The following RNF220 variants were observed in gnomAD, a reference collection of about 807,000 sequenced individuals.
RNF220 encodes the protein ring finger protein 220.
Under a neutral mutation model 67.1 loss-of-function variants are expected in RNF220, and 7 were observed. The ratio of observed to expected loss-of-function variants is 0.10; its 90% CI spans 0.06 to 0.20. RNF220 has a LOEUF of 0.20. RNF220 is among the 10% of genes least tolerant of loss of function. The pLI, the probability that RNF220 is intolerant of heterozygous loss-of-function variation, is 1.00. For synonymous variants in RNF220, 270 were observed against 283.2 expected (o/e 0.95, Z 0.47); for missense variants, 565 against 740.3 (o/e 0.76, Z 2.75).
chr1:44,617,342 C>CG (rs1643600137), intron 3 of RNF220, among the ~76,000 whole-genome samples: 1 of 152,220 alleles, frequency 6.6e-6, no homozygotes, highest in African/African-American at 2.4e-5. Flanking sequence ...CCCCTCCCCT[C>CG]GCTTCTCTCG....
chr1:44,482,285 C>T (rs781103758), intron 2 of RNF220, among the ~76,000 whole-genome samples: 16 of 152,108 alleles, frequency 1.1e-4, no homozygotes, highest in African/African-American at 3.9e-4. Context: ...TAAGAATACA[C>T]GGCCTGCAGA....
Position 44,632,366 on chromosome 1 carries a change from C to T in RNF220, c.930C>T (p.Asn310=). 1 of 1,613,946 alleles carries T rather than the reference C, an allele frequency of 6.2e-7. No homozygotes were observed. The highest frequency in any genetic ancestry group is 8.5e-7 in the Non-Finnish European group (1 of 1,179,998). The part of the protein sequence containing the change: ...RYQTFLRVRA[N]RQTRLNARIG... ...AGACCTTTCTGCGAGTACGAGCCAA[C>T]CGGCAGACCCGACTGAATGGTGAGT... Residue 310 remains asparagine (N), a synonymous_variant, in exon 6 of 15, where the codon AAC becomes AAT. Coordinates refer to ENST00000361799, the MANE Select transcript of RNF220 (RefSeq NM_018150.4).
intron 3 of RNF220, among the ~76,000 whole-genome samples, chr1:44,616,873 C>G (rs1266357299): frequency 6.6e-6 from 1 of 152,146 alleles, no homozygotes; most frequent in Non-Finnish European, 1.5e-5. Flanking sequence ...CAGTGCAGTC[C>G]CAGGTGCTCC....
Position 44,635,904 on chromosome 1 carries a change from G to A in RNF220, c.994-126G>A, listed in dbSNP as rs556916819. Reference sequence around the variant, plus strand: ...ACCTCTAAATTGGTTTGCTTCAAAGGAGCCCTAGAGCTGAGGGCCCACTTG... The same window carrying A: ...ACCTCTAAATTGGTTTGCTTCAAAGAAGCCCTAGAGCTGAGGGCCCACTTG... On this transcript the variant is annotated intron_variant, in intron 7 of 14. Coordinates refer to ENST00000361799, the MANE Select transcript of RNF220 (RefSeq NM_018150.4). 4 of 1,494,498 alleles carry A rather than the reference G, an allele frequency of 2.7e-6. No homozygotes were observed. In the African/African-American group the frequency reaches 5.6e-5, roughly 21 times the overall value. The allele number at this position is 1,494,498 out of a possible 1,614,324, so 92.6% of individuals were successfully genotyped here.
chr1:44,623,372 G>A (rs992630440), intron 4 of RNF220, among the ~76,000 whole-genome samples: 2 of 152,194 alleles, frequency 1.3e-5, no homozygotes, highest in Non-Finnish European at 2.9e-5. Context: ...AAAGTGAAGA[G>A]CAAATATCTG....
chr1:44,426,119 C>A (rs189173122), intron 2 of RNF220, among the ~76,000 whole-genome samples: 1 of 152,170 alleles, frequency 6.6e-6, no homozygotes, highest in Non-Finnish European at 1.5e-5. Flanking sequence ...TACCCTTTGC[C>A]TTTCTTCTCA....
At chr1:44,474,380 AT>A (rs1655100965) in intron 2 of RNF220, among the ~76,000 whole-genome samples, 4 of 5,906 alleles carry the variant, frequency 6.8e-4, no homozygotes, top group Middle Eastern at 0.091. Flanking sequence ...GTCTCCAAAA[AT>A]AATAATAATA....
At chr1:44,524,527 A>G (rs773719179) in intron 2 of RNF220, among the ~76,000 whole-genome samples, 31 of 152,112 alleles carry the variant, frequency 2.0e-4, no homozygotes, top group Admixed American at 2.6e-4. Context: ...ACTGCTTTGT[A>G]AAAGTTTTTT....
At chr1:44,560,108 G>A (rs1260332276) in intron 2 of RNF220, among the ~76,000 whole-genome samples, 2 of 152,148 alleles carry the variant, frequency 1.3e-5, no homozygotes, top group South Asian at 2.1e-4. Flanking sequence ...ACTTGATGAC[G>A]GCGTCACCTC....
rs188007999 is a variant in RNF220 at position 44,461,964 on chromosome 1, G to A, written c.625+49242G>A. On this transcript the variant is annotated intron_variant, in intron 2 of 14. Coordinates refer to ENST00000361799, the MANE Select transcript of RNF220 (RefSeq NM_018150.4). Reference sequence around the variant, plus strand: ...TTTTTTTGAGCCAGAGTCTTGCTCTGTTGCCCAGGCTGGAGTGCAGTGGTG... The same window carrying A: ...TTTTTTTGAGCCAGAGTCTTGCTCTATTGCCCAGGCTGGAGTGCAGTGGTG... Among the ~76,000 whole-genome samples the A allele has an allele frequency of 4.3e-5, 5 of 115,376 alleles. No homozygotes were observed. The East Asian group carries it at 1.3e-3, about 30-fold the overall frequency. The allele number at this position is 115,376 out of a possible 152,430, so 75.7% of individuals were successfully genotyped here.
chr1:44,651,202 A>C lies in RNF220; in HGVS notation c.*427A>C. On this transcript the variant is annotated 3_prime_UTR_variant, in exon 15 of 15. Coordinates refer to ENST00000361799, the MANE Select transcript of RNF220 (RefSeq NM_018150.4). ...TAAATGGGACAACTCCTCGCCCTCTACCTGTCCCCTCCCCCTTTGGTTGTA... is the reference window on the plus strand; with the variant it reads ...TAAATGGGACAACTCCTCGCCCTCTCCCTGTCCCCTCCCCCTTTGGTTGTA... 1 of 189,694 alleles carries C rather than the reference A, an allele frequency of 5.3e-6. No individual in the cohort carries two copies. The highest frequency in any genetic ancestry group is 1.1e-5 in the Non-Finnish European group (1 of 87,838). 11.8% of individuals were successfully genotyped at this position (189,694 alleles called of 1,614,324 possible). A position where few individuals can be genotyped will look rare whatever the true frequency, so the allele number is the denominator to read the frequency against.
intron 1 of RNF220, among the ~76,000 whole-genome samples, chr1:44,407,031 T>C (rs1484270446): frequency 6.6e-6 from 1 of 152,100 alleles, no homozygotes. Flanking sequence ...TGGATGCAGC[T>C]CCAGCGGAGA....
intron 2 of RNF220, among the ~76,000 whole-genome samples, chr1:44,514,334 T>C (rs1659282023): frequency 6.6e-6 from 1 of 152,228 alleles, no homozygotes; most frequent in Admixed American, 6.5e-5. Flanking sequence ...AAAATGCTGA[T>C]CAATCAGACT....
chr1:44,496,377 A>G (rs928632670), intron 2 of RNF220, among the ~76,000 whole-genome samples: 3 of 152,234 alleles, frequency 2.0e-5, no homozygotes, highest in African/African-American at 7.2e-5. Flanking sequence ...TGAATGAGAT[A>G]TCTCTGGAAG....
intron 1 of RNF220, among the ~76,000 whole-genome samples, chr1:44,411,009 C>T (rs545800036): frequency 1.5e-4 from 23 of 152,320 alleles, no homozygotes; most frequent in African/African-American, 5.5e-4. Context: ...CTTTATTGGA[C>T]ATCAGCTCTG....
intron 2 of RNF220, among the ~76,000 whole-genome samples, chr1:44,420,146 T>A (rs1649050588): frequency 6.6e-6 from 1 of 152,240 alleles, no homozygotes; most frequent in African/African-American, 2.4e-5. Flanking sequence ...TGGTTTAAGA[T>A]GACCTAGAAG....
At chr1:44,636,521 T>G (rs1452549854) in intron 8 of RNF220, 1 of 701,058 alleles carries the variant, frequency 1.4e-6, no homozygotes, top group Non-Finnish European at 2.7e-6. Flanking sequence ...GGCTGATAAA[T>G]GAGAATCCAG....
At chr1:44,640,739 C>T (rs1176589291) in intron 8 of RNF220, among the ~76,000 whole-genome samples, 1 of 152,182 alleles carries the variant, frequency 6.6e-6, no homozygotes, top group Non-Finnish European at 1.5e-5. Context: ...CATCGCAGCT[C>T]CCCAGACTGT....
rs1644320553 is a variant in RNF220, at chr1:44,636,126, A to C, written c.1090A>C (p.Ile364Leu). 1 of 1,612,462 alleles carries C rather than the reference A, an allele frequency of 6.2e-7. No individual in the cohort carries two copies. Among genetic ancestry groups the C allele is most frequent in the African/African-American group, 1.3e-5 (1 of 74,900 alleles). ...GTATGAGTGGTGTGGACAGAAGCGG[A>C]TACGGGCCACCACTCTCCTGGAAGG... ...EEYEWCGQKR[I>L]RATTLLEGGF... The change falls in exon 8 of 15, where the codon ATA (isoleucine) becomes CTA (leucine). Residue 364 changes from isoleucine to leucine, a missense_variant. Coordinates refer to ENST00000361799, the MANE Select transcript of RNF220 (RefSeq NM_018150.4).
Sources: gnomAD v4.1 joint callset for allele counts (sites outside exome capture counted in the v4.1 genomes callset) on GRCh38, gnomAD v4.1.1 for gene constraint, MANE v1.5 for transcripts, NCBI Gene and HGNC (gene_info 2026-07-23, HGNC 2026-07-21) for gene names.